LMBR1: variants seen among roughly 807,000 people sequenced by gnomAD.
LMBR1 encodes the protein limb development membrane protein 1.
A neutral mutation model predicts 73.9 loss-of-function variants in LMBR1; 52 were observed. The observed-to-expected ratio is 0.70, with a 90% CI of 0.56 to 0.89. The LOEUF is 0.89. Among genes scored for constraint, LMBR1 ranks in the 40% least tolerant of loss-of-function variants. The pLI, the probability that LMBR1 is intolerant of heterozygous loss-of-function variation, is 0.00. For missense variants in LMBR1, 539 were observed against 579.8 expected, an observed-to-expected ratio of 0.93 and a Z score of 0.72; for synonymous variants, 215 against 209.4, an observed-to-expected ratio of 1.03 and a Z score of -0.23.
chr7:156,846,270 CCT>C (rs1795467786), intron 1 of LMBR1, among the ~76,000 whole-genome samples: 1 of 151,898 alleles, frequency 6.6e-6, no homozygotes, highest in Non-Finnish European at 1.5e-5. Flanking sequence ...AGATAGAAAC[CCT>C]GTCTTTTAAA....
intron 1 of LMBR1, among the ~76,000 whole-genome samples, chr7:156,888,523 C>T (rs1233541453): frequency 6.6e-6 from 1 of 151,938 alleles, no homozygotes; most frequent in East Asian, 1.9e-4. Context: ...ATCACAGCAG[C>T]ATTATTCACA....
At chr7:156,841,088 G>A (rs1397723213) in intron 1 of LMBR1, among the ~76,000 whole-genome samples, 1 of 151,990 alleles carries the variant, frequency 6.6e-6, no homozygotes, top group Non-Finnish European at 1.5e-5. Context: ...GTGCAAGGAG[G>A]TGCTCAGAAG....
chr7:156,856,490 G>A (rs1184980739), intron 1 of LMBR1, among the ~76,000 whole-genome samples: 2 of 152,120 alleles, frequency 1.3e-5, no homozygotes, highest in Non-Finnish European at 2.9e-5. Flanking sequence ...GGAGGCCAAG[G>A]TGGGTGGATC....
chr7:156,745,153 A>AT (rs935674637), intron 9 of LMBR1, among the ~76,000 whole-genome samples: 1 of 152,066 alleles, frequency 6.6e-6, no homozygotes, highest in Admixed American at 6.6e-5. Flanking sequence ...CACAAAGACT[A>AT]TTTCTTTTTT....
chr7:156,787,467 T>A (rs982338843), intron 5 of LMBR1, among the ~76,000 whole-genome samples: 1 of 150,280 alleles, frequency 6.7e-6, no homozygotes, highest in Non-Finnish European at 1.5e-5. Context: ...TTAAACCAAC[T>A]ATGTAAAAAA....
chr7:156,848,886 G>A (rs541744268), intron 1 of LMBR1, among the ~76,000 whole-genome samples: 11 of 146,180 alleles, frequency 7.5e-5, no homozygotes, highest in African/African-American at 2.3e-4. Flanking sequence ...AGCAGAGATC[G>A]TACCATGACA....
intron 2 of LMBR1, chr7:156,834,333 G>T (rs11760928): frequency 0.068 from 10,562 of 156,076 alleles, 453 homozygotes; most frequent in African/African-American, 0.11. Context: ...GGGCGCAATG[G>T]CTCACACCTG....
At chr7:156,887,637 AACAC>A (rs1802153545) in intron 1 of LMBR1, among the ~76,000 whole-genome samples, 1 of 152,136 alleles carries the variant, frequency 6.6e-6, no homozygotes, top group Admixed American at 6.5e-5. Flanking sequence ...GACACAAAAA[AACAC>A]AGGCAACAAA....
At chr7:156,709,896 ATTTTTTTTTTTT>A (rs34487923) in intron 15 of LMBR1, among the ~76,000 whole-genome samples, 1 of 90,354 alleles carries the variant, frequency 1.1e-5, no homozygotes, top group Non-Finnish European at 2.1e-5. Flanking sequence ...CAGAAGGTTG[ATTTTTTTTTTTT>A]TTTTTTTTTT....
At chr7:156,791,849 T>C (rs1829288627) in intron 5 of LMBR1, among the ~76,000 whole-genome samples, 1 of 152,166 alleles carries the variant, frequency 6.6e-6, no homozygotes, top group African/African-American at 2.4e-5. Context: ...ATGCTATGAC[T>C]TCAAATCAAA....
intron 4 of LMBR1, among the ~76,000 whole-genome samples, chr7:156,807,413 GT>G (rs142557700): frequency 0.068 from 10,312 of 152,200 alleles, 435 homozygotes; most frequent in African/African-American, 0.11. Flanking sequence ...GGCTTTAATA[GT>G]TTTTGCCTGT....
intron 15 of LMBR1, among the ~76,000 whole-genome samples, chr7:156,718,092 T>C (rs1813617913): frequency 6.6e-6 from 1 of 152,162 alleles, no homozygotes; most frequent in South Asian, 2.1e-4. Flanking sequence ...TGACTGTGCA[T>C]ATGTATTATT....
At chr7:156,853,704 G>A (rs979022403) in intron 1 of LMBR1, among the ~76,000 whole-genome samples, 1 of 152,120 alleles carries the variant, frequency 6.6e-6, no homozygotes, top group Non-Finnish European at 1.5e-5. Context: ...CACTGAGACT[G>A]GAGTGCAGTG....
chr7:156,876,129 T>C (rs1800130457), intron 1 of LMBR1, among the ~76,000 whole-genome samples: 1 of 152,148 alleles, frequency 6.6e-6, no homozygotes, highest in African/African-American at 2.4e-5. Context: ...GAAAAAGACA[T>C]TCCATGCAAA....
At chr7:156,748,917 C>A (rs1334657048) in intron 9 of LMBR1, among the ~76,000 whole-genome samples, 1 of 152,162 alleles carries the variant, frequency 6.6e-6, no homozygotes, top group East Asian at 1.9e-4. Context: ...TAGCATATAT[C>A]TCTGGCAGTC....
At chr7:156,725,720 T>C (rs763380260) in intron 13 of LMBR1, 44 bp downstream of exon 13, 2 of 1,564,470 alleles carry the variant, frequency 1.3e-6, no homozygotes, top group Non-Finnish European at 1.8e-6. Flanking sequence ...AAACTTGGTA[T>C]AAAATTTGTG....
At chr7:156,892,702 G>GCT in intron 1 of LMBR1, 1 of 369,740 alleles carries the variant, frequency 2.7e-6, no homozygotes. Flanking sequence ...GCGGAGCGGG[G>GCT]GGGCAGGCAG....
downstream of LMBR1, among the ~76,000 whole-genome samples, chr7:156,675,068 T>A (rs993543767): frequency 1.1e-4 from 17 of 152,190 alleles, no homozygotes; most frequent in Non-Finnish European, 1.2e-4. Flanking sequence ...AAGTCCCATG[T>A]GGTATGGAAG....
chr7:156,819,417 T>C (rs572216295), intron 4 of LMBR1, among the ~76,000 whole-genome samples: 90 of 152,358 alleles, frequency 5.9e-4, no homozygotes, highest in Non-Finnish European at 8.1e-4. Context: ...TTAAATTTCC[T>C]TTCAAATTCA....
Sources: allele counts gnomAD v4.1 joint callset (sites outside exome capture counted in the v4.1 genomes callset), GRCh38; gene constraint gnomAD v4.1.1; transcripts MANE v1.5; gene names NCBI Gene and HGNC (gene_info 2026-07-23, HGNC 2026-07-21).